The following PLB1 variants were observed in gnomAD, a reference collection of about 807,000 sequenced individuals.
PLB1 encodes the protein phospholipase B1, also known as phospholipase B1, membrane-associated.
A neutral mutation model predicts 227.4 loss-of-function variants in PLB1; 242 were observed. The observed-to-expected ratio is 1.06, with a 90% CI of 0.96 to 1.18. The LOEUF (loss-of-function observed/expected upper bound fraction) is 1.18, where lower values mean the gene tolerates loss of function less well. Among genes scored for constraint, PLB1 ranks in the 50% most tolerant of loss-of-function variants. PLB1 has a pLI of 0.00. For missense variants in PLB1, 1,858 were observed against 1,816.3 expected, an observed-to-expected ratio of 1.02 and a Z score of -0.42; for synonymous variants, 757 against 682.2, an observed-to-expected ratio of 1.11 and a Z score of -1.71.
chr2:28,609,216 G>A (rs184389999), intron 43 of PLB1, among the ~76,000 whole-genome samples: 149 of 152,218 alleles, frequency 9.8e-4, no homozygotes, highest in African/African-American at 3.3e-3. Flanking sequence ...AGCTGTGCCC[G>A]GCCTCTGTTT....
chr2:28,536,107 T>C (rs1671647660), intron 9 of PLB1, among the ~76,000 whole-genome samples: 1 of 152,230 alleles, frequency 6.6e-6, no homozygotes, highest in Non-Finnish European at 1.5e-5. Flanking sequence ...GTTGAGCTAC[T>C]GTCCTGCCCC....
At chr2:28,591,812 A>G in intron 31 of PLB1, 52 bp downstream of exon 31, 1 of 1,550,886 alleles carries the variant, frequency 6.4e-7, no homozygotes, top group Non-Finnish European at 8.9e-7. Flanking sequence ...AGGGGCTGCT[A>G]TGCTGGTGAG....
intron 17 of PLB1, among the ~76,000 whole-genome samples, chr2:28,555,968 G>C (rs1422365082): frequency 6.7e-6 from 1 of 149,020 alleles, no homozygotes; most frequent in East Asian, 2.0e-4. Flanking sequence ...TCCCTGGCTC[G>C]AGATCCTCCC....
At chr2:28,612,769 A>ATTTTTTTTTTTTTT (rs10557060) in intron 43 of PLB1, among the ~76,000 whole-genome samples, 4 of 124,908 alleles carry the variant, frequency 3.2e-5, no homozygotes, top group African/African-American at 9.2e-5. Context: ...CCACACCTGG[A>ATTTTTTTTTTTTTT]TTTTTTTTTT....
chr2:28,618,559 A>G, intron 46 of PLB1, 160 bp downstream of exon 46: 1 of 712,150 alleles, frequency 1.4e-6, no homozygotes, highest in South Asian at 1.8e-5. Flanking sequence ...GAGATGTAGA[A>G]TGCCCTGTCT....
At position 28,534,149 on chromosome 2, in the gene PLB1, A is replaced by G. The variant is rs537762564; in HGVS notation, c.555+1955A>G. On this transcript the variant is annotated intron_variant, in intron 9 of 57. Transcript: ENST00000327757. ...ATTGTTGAGATCTAGTCATGTTGAC[A>G]TATATGGAATGAGTTTATTTCTCTT... is the stretch of plus-strand genomic sequence containing the variant. Among the ~76,000 whole-genome samples the G allele has an allele frequency of 2.3e-4, 35 of 152,324 alleles. No homozygotes were observed. The East Asian group carries it at 5.0e-3, about 22-fold the overall frequency.
intron 56 of PLB1, among the ~76,000 whole-genome samples, chr2:28,634,138 G>C (rs1176506424): frequency 6.6e-6 from 1 of 152,168 alleles, no homozygotes; most frequent in African/African-American, 2.4e-5. Context: ...CTCAGCTTAT[G>C]TCGACTTCCA....
At chr2:28,598,550 G>A in intron 34 of PLB1, 102 bp from the exon 35 acceptor site, 1 of 879,826 alleles carries the variant, frequency 1.1e-6, no homozygotes, top group Non-Finnish European at 1.9e-6. Flanking sequence ...GCATGAGGAT[G>A]ATAACACAGC....
At chr2:28,509,425 T>C (rs1328302386) in intron 1 of PLB1, among the ~76,000 whole-genome samples, 5 of 152,146 alleles carry the variant, frequency 3.3e-5, no homozygotes, top group Non-Finnish European at 7.4e-5. Context: ...GTCTCTGCAT[T>C]TGGGGGCTAG....
chr2:28,600,822 C>CTG lies in PLB1; in HGVS notation c.2488_2489insTG (p.Gln830LeufsTer6). 1 of 1,613,290 alleles carries CTG rather than the reference C, an allele frequency of 6.2e-7. No individual in the cohort carries two copies. Among genetic ancestry groups the CTG allele is most frequent in the East Asian group, 2.2e-5 (1 of 44,876 alleles). Reference sequence around the variant, plus strand: ...TCTCTTTCTCAGGGATCTTATGAGCCAAGTCCAAACTCTGATGCAGAAGAT... The same window carrying CTG: ...TCTCTTTCTCAGGGATCTTATGAGCCTGAAGTCCAAACTCTGATGCAGAAGAT... On this transcript the variant is annotated frameshift_variant, in exon 36 of 58. Coordinates refer to ENST00000327757, the MANE Select transcript of PLB1 (RefSeq NM_153021.5). LOFTEE classifies it high-confidence loss of function.
rs1195856954 is a variant in PLB1 at position 28,617,712 on chromosome 2, C to G, written c.3196-15C>G. 6.2e-7 allele frequency: 1 copy of G among 1,613,440 alleles called. No homozygotes were observed. The highest frequency in any genetic ancestry group is 1.7e-5 in the Admixed American group (1 of 60,000). On this transcript the variant is annotated splice_polypyrimidine_tract_variant and intron_variant, in intron 44 of 57. Transcript: ENST00000327757. Reference sequence around the variant, plus strand: ...ATGAGTGTTGGGCACTGAATCTTTTCTCCTGTTGATTTAGAACTGGGGCAG... The same window carrying G: ...ATGAGTGTTGGGCACTGAATCTTTTGTCCTGTTGATTTAGAACTGGGGCAG...
chr2:28,643,008 A>G lies in PLB1; in HGVS notation c.4324A>G (p.Arg1442Gly). 2 of 1,611,204 alleles carry G rather than the reference A, an allele frequency of 1.2e-6. No individual in the cohort carries two copies. Among genetic ancestry groups the G allele is most frequent in the South Asian group, 2.2e-5 (2 of 90,220 alleles). ...CGGGACAGTGGTCTGGAGGTGCAGGAGAGGTGGCCGGAGGGAAGATCCTCC... is the reference window on the plus strand; with the variant it reads ...CGGGACAGTGGTCTGGAGGTGCAGGGGAGGTGGCCGGAGGGAAGATCCTCC... Reference protein sequence around the residue: ...IIGTVVWRCRRGGRREDPPMS... With the variant: ...IIGTVVWRCRGGGRREDPPMS... Residue 1442 changes from arginine (R) to glycine (G), a missense_variant, in exon 58 of 58, where the codon AGA (arginine) becomes GGA (glycine). Physicochemically the swap from Arg to Gly is moderately radical, Grantham distance 125. Coordinates refer to ENST00000327757, the MANE Select transcript of PLB1 (RefSeq NM_153021.5).
chr2:28,511,249 T>C (rs1668225510), intron 1 of PLB1, among the ~76,000 whole-genome samples: 1 of 152,204 alleles, frequency 6.6e-6, no homozygotes, highest in Non-Finnish European at 1.5e-5. Flanking sequence ...TCTGAAAAGG[T>C]TGTAAATATT....
intron 55 of PLB1, 99 bp from the exon 56 acceptor site, chr2:28,632,845 T>C (rs1411130675): frequency 1.3e-6 from 1 of 780,516 alleles, no homozygotes; most frequent in East Asian, 2.5e-5. Context: ...GTTGAAAGAA[T>C]GAAAGGAGAC....
Position 28,643,062 on chromosome 2 carries a change from G to A in PLB1, c.*1G>A, listed in dbSNP as rs1007826375. On this transcript the variant is annotated 3_prime_UTR_variant, in exon 58 of 58. Transcript: ENST00000327757. Reference sequence around the variant, plus strand: ...GAGCCTGCGCACTGTGGCCCTCTAGGCCCGGGGGTGGGTCCTCACCCTAAA... The same window carrying A: ...GAGCCTGCGCACTGTGGCCCTCTAGACCCGGGGGTGGGTCCTCACCCTAAA... 1.8e-5 allele frequency: 29 copies of A among 1,593,316 alleles called. No homozygotes were observed. Among genetic ancestry groups the A allele is most frequent in the Non-Finnish European group, 2.5e-5 (29 of 1,169,822 alleles).
At chr2:28,592,466 G>A (rs1255552622) in intron 31 of PLB1, among the ~76,000 whole-genome samples, 195 bp from the exon 32 acceptor site, 1 of 151,692 alleles carries the variant, frequency 6.6e-6, no homozygotes, top group Non-Finnish European at 1.5e-5. Context: ...TTTCCCTGTA[G>A]GTCCAGGATT....
chr2:28,538,321 T>C lies in PLB1; in HGVS notation c.558T>C (p.Asn186=). 6.2e-7 allele frequency: 1 copy of C among 1,613,984 alleles called. No homozygotes were observed. ...TTAGCACGGTTCTCCTCTCACAGAA[T>C]GGGCTTGCGGCGGGCGGCGTGGATG... ...QCYLCPSAQQ[N]GLAAGGVDEL... Residue 186 remains asparagine, a splice_region_variant and synonymous_variant, in exon 10 of 58, where the codon AAT becomes AAC. Transcript: ENST00000327757.
chr2:28,496,170 G>C lies in PLB1; in HGVS notation c.55+1G>C. ...GAGCTGCTGCTGCTTCTGGGGCAAG[G>C]TAAGCGTGCCTTTTGCTCAGAGGAC... On this transcript the variant is annotated splice_donor_variant, in intron 1 of 57. Transcript: ENST00000327757. LOFTEE classifies it high-confidence loss of function. 6.2e-7 allele frequency: 1 copy of C among 1,613,950 alleles called. No individual in the cohort carries two copies. Among genetic ancestry groups the C allele is most frequent in the Non-Finnish European group, 8.5e-7 (1 of 1,179,864 alleles).
chr2:28,620,183 C>T, intron 46 of PLB1, 82 bp from the exon 47 acceptor site: 1 of 936,540 alleles, frequency 1.1e-6, no homozygotes, highest in Non-Finnish European at 1.6e-6. Flanking sequence ...CAGGTCCTAG[C>T]TGCTACCCCA....
Sources: gnomAD v4.1 joint callset for allele counts (sites outside exome capture counted in the v4.1 genomes callset) on GRCh38, gnomAD v4.1.1 for gene constraint, MANE v1.5 for transcripts, NCBI Gene and HGNC (gene_info 2026-07-23, HGNC 2026-07-21) for gene names.